The following RGS7 variants were observed in gnomAD, a reference collection of about 807,000 sequenced individuals.
RGS7 encodes regulator of G protein signaling 7.
A neutral mutation model predicts 81.1 loss-of-function variants in RGS7; 27 were observed. The ratio of observed to expected loss-of-function variants is 0.33; its 90% CI spans 0.25 to 0.46. The LOEUF is 0.46. Among genes scored for constraint, RGS7 ranks in the 20% least tolerant of loss-of-function variants. RGS7 has a pLI of 1.00. For synonymous variants in RGS7, 208 were observed against 207.7 expected, an observed-to-expected ratio of 1.00 and a Z score of -0.01; for missense variants, 396 against 607.4, an observed-to-expected ratio of 0.65 and a Z score of 3.66.
intron 6 of RGS7, among the ~76,000 whole-genome samples, chr1:240,915,831 T>C (rs1244115953): frequency 6.6e-6 from 1 of 150,762 alleles, no homozygotes; most frequent in East Asian, 1.9e-4. Context: ...ATTCAAGAAA[T>C]AAAAAACATA....
chr1:241,226,838 T>C (rs1405806012), intron 2 of RGS7, among the ~76,000 whole-genome samples: 1 of 152,234 alleles, frequency 6.6e-6, no homozygotes. Context: ...ACAGGTGTTT[T>C]GGCTTTGCTT....
chr1:241,237,350 G>T (rs1469971771), intron 2 of RGS7, among the ~76,000 whole-genome samples: 2 of 152,078 alleles, frequency 1.3e-5, no homozygotes, highest in African/African-American at 2.4e-5. Flanking sequence ...CATAAAAATG[G>T]TCCTAGGCAA....
intron 2 of RGS7, among the ~76,000 whole-genome samples, chr1:241,206,232 T>C (rs1263168140): frequency 7.2e-6 from 1 of 138,628 alleles, no homozygotes; most frequent in Non-Finnish European, 1.6e-5. Flanking sequence ...AGAATGAACT[T>C]TTTTTTTTTT....
intron 3 of RGS7, among the ~76,000 whole-genome samples, chr1:241,082,857 G>C (rs1298099705): frequency 1.3e-5 from 2 of 152,138 alleles, no homozygotes. Flanking sequence ...TATGATATAA[G>C]ATAAGATAAA....
chr1:241,332,988 C>T (rs189263762), intron 2 of RGS7, among the ~76,000 whole-genome samples: 28 of 152,268 alleles, frequency 1.8e-4, no homozygotes, highest in African/African-American at 6.5e-4. Flanking sequence ...ACAGTGATGT[C>T]GGGCTGAGCC....
chr1:241,114,219 T>A (rs77735447), intron 2 of RGS7, among the ~76,000 whole-genome samples: 1 of 152,266 alleles, frequency 6.6e-6, no homozygotes, highest in South Asian at 2.1e-4. Flanking sequence ...CCTCTGCCTA[T>A]AACTCTGGAC....
At chr1:241,007,242 T>A (rs943946450) in intron 3 of RGS7, among the ~76,000 whole-genome samples, 1 of 152,146 alleles carries the variant, frequency 6.6e-6, no homozygotes, top group African/African-American at 2.4e-5. Context: ...TTCTTAACAC[T>A]ATTTTCTTTT....
chr1:241,205,681 G>A (rs1380254939), intron 2 of RGS7, among the ~76,000 whole-genome samples: 2 of 151,268 alleles, frequency 1.3e-5, no homozygotes, highest in African/African-American at 2.4e-5. Flanking sequence ...GTCCAGTCTC[G>A]AACTCTAGAC....
At chr1:240,843,205 AAAGAAAGAAAAAGAAAG>A (rs1311496991) in intron 9 of RGS7, among the ~76,000 whole-genome samples, 1 of 152,100 alleles carries the variant, frequency 6.6e-6, no homozygotes, top group East Asian at 1.9e-4. Flanking sequence ...AAAGAAAGAG[AAAGAAAGAAAAAGAAAG>A]AAGAAAGAAA....
intron 3 of RGS7, among the ~76,000 whole-genome samples, chr1:240,990,322 A>G (rs1012020572): frequency 6.6e-6 from 1 of 152,244 alleles, no homozygotes; most frequent in African/African-American, 2.4e-5. Flanking sequence ...GGAAAAGTGG[A>G]ATTCAAAAGC....
chr1:241,297,266 A>AC (rs2079483897), intron 2 of RGS7, among the ~76,000 whole-genome samples: 1 of 152,240 alleles, frequency 6.6e-6, no homozygotes, highest in South Asian at 2.1e-4. Context: ...AAGAAAACAT[A>AC]CATTATAAGA....
chr1:241,176,295 G>T (rs1363046643), intron 2 of RGS7, among the ~76,000 whole-genome samples: 1 of 152,182 alleles, frequency 6.6e-6, no homozygotes, highest in African/African-American at 2.4e-5. Flanking sequence ...TGTTCAACAG[G>T]AGTTAGATAT....
chr1:241,081,278 T>TA (rs1444671657), intron 3 of RGS7, among the ~76,000 whole-genome samples: 1 of 152,254 alleles, frequency 6.6e-6, no homozygotes, highest in Non-Finnish European at 1.5e-5. Context: ...GCCCACTTTT[T>TA]AGTACAGTCT....
chr1:241,273,667 A>C (rs2078044624), intron 2 of RGS7, among the ~76,000 whole-genome samples: 1 of 151,540 alleles, frequency 6.6e-6, no homozygotes, highest in Admixed American at 6.6e-5. Context: ...TTCCTGCCCA[A>C]CTCTAGCCCT....
chr1:241,067,934 T>C (rs1204423655), intron 3 of RGS7, among the ~76,000 whole-genome samples: 7 of 149,940 alleles, frequency 4.7e-5, no homozygotes, highest in Non-Finnish European at 9.0e-5. Flanking sequence ...ATAGTTTAGA[T>C]GCATAAGGAA....
chr1:241,336,513 TCAC>T (rs1415126554), intron 2 of RGS7, among the ~76,000 whole-genome samples: 1 of 152,300 alleles, frequency 6.6e-6, no homozygotes, highest in East Asian at 1.9e-4. Flanking sequence ...ATTGAATGAC[TCAC>T]CACCTGTTTG....
At chr1:241,232,759 A>G (rs186646627) in intron 2 of RGS7, among the ~76,000 whole-genome samples, 231 of 151,796 alleles carry the variant, frequency 1.5e-3, no homozygotes, top group Admixed American at 2.6e-3. Flanking sequence ...TCTTAACTAC[A>G]TAGAATCTTC....
chr1:241,034,053 T>C (rs947792530), intron 3 of RGS7, among the ~76,000 whole-genome samples: 7 of 152,204 alleles, frequency 4.6e-5, no homozygotes, highest in Non-Finnish European at 1.0e-4. Context: ...TCCTGGAAAG[T>C]GTTAATCTAG....
At chr1:240,831,630 CTTTT>C (rs767275119) in intron 9 of RGS7, among the ~76,000 whole-genome samples, 5 of 135,394 alleles carry the variant, frequency 3.7e-5, no homozygotes, top group South Asian at 4.7e-4. Context: ...TCCAGACATC[CTTTT>C]TTTTTTTTTT....
Sources: allele counts gnomAD v4.1 joint callset (sites outside exome capture counted in the v4.1 genomes callset), GRCh38; gene constraint gnomAD v4.1.1; transcripts MANE v1.5; gene names NCBI Gene and HGNC (gene_info 2026-07-23, HGNC 2026-07-21).